The following GOLM1 variants were observed in gnomAD, a reference collection of about 807,000 sequenced individuals.
GOLM1 encodes the protein golgi membrane protein 1.
Under a neutral mutation model 50.5 loss-of-function variants are expected in GOLM1, and 31 were observed. The ratio of observed to expected loss-of-function variants is 0.61; its 90% CI spans 0.46 to 0.83. The LOEUF (loss-of-function observed/expected upper bound fraction) is 0.83, where lower values mean the gene tolerates loss of function less well. GOLM1 is among the 40% of genes least tolerant of loss of function. GOLM1 has a pLI of 0.00. For synonymous variants in GOLM1, 178 were observed against 192.8 expected (o/e 0.92, Z 0.64); for missense variants, 491 against 501.3 (o/e 0.98, Z 0.20).
intron 1 of GOLM1, among the ~76,000 whole-genome samples, chr9:86,091,218 A>G (rs1374136633): frequency 6.6e-6 from 1 of 151,678 alleles, no homozygotes; most frequent in Non-Finnish European, 1.5e-5. Context: ...CTTACCAGCC[A>G]CTCTGTTGTT....
chr9:86,054,116 A>G (rs1038402219), intron 3 of GOLM1, among the ~76,000 whole-genome samples: 1 of 152,122 alleles, frequency 6.6e-6, no homozygotes, highest in Non-Finnish European at 1.5e-5. Context: ...GTAGAGGAGG[A>G]CAGAAGCCAC....
intron 3 of GOLM1, among the ~76,000 whole-genome samples, chr9:86,072,283 G>A (rs1834471786): frequency 6.6e-6 from 1 of 152,106 alleles, no homozygotes; most frequent in Non-Finnish European, 1.5e-5. Flanking sequence ...ATAATATCTG[G>A]GTGAGGGGCA....
At chr9:86,055,136 A>T (rs1269653348) in intron 3 of GOLM1, among the ~76,000 whole-genome samples, 1 of 152,348 alleles carries the variant, frequency 6.6e-6, no homozygotes, top group East Asian at 1.9e-4. Context: ...CCCACAAATG[A>T]AATCGCATCA....
At chr9:86,038,160 GAA>G (rs552680791) in intron 6 of GOLM1, among the ~76,000 whole-genome samples, 8 of 88,360 alleles carry the variant, frequency 9.1e-5, no homozygotes, top group African/African-American at 1.5e-4. Context: ...AACACCAAAA[GAA>G]AAAAAAAAAA....
chr9:86,078,663 C>G (rs1415917582), intron 2 of GOLM1, among the ~76,000 whole-genome samples: 1 of 152,166 alleles, frequency 6.6e-6, no homozygotes, highest in Admixed American at 6.5e-5. Context: ...CAAGTTCAAT[C>G]AAGAGGAGCA....
intron 3 of GOLM1, among the ~76,000 whole-genome samples, chr9:86,063,647 T>C (rs1012568754): frequency 6.6e-6 from 1 of 152,196 alleles, no homozygotes; most frequent in Non-Finnish European, 1.5e-5. Flanking sequence ...CAAACGCCTG[T>C]CTTGGGTTGG....
intron 3 of GOLM1, among the ~76,000 whole-genome samples, chr9:86,069,508 G>C (rs1413795516): frequency 6.6e-6 from 1 of 152,216 alleles, no homozygotes; most frequent in Non-Finnish European, 1.5e-5. Context: ...TCACTCATCT[G>C]AAGTATTTAC....
intron 6 of GOLM1, among the ~76,000 whole-genome samples, chr9:86,039,024 GA>G (rs1395035546): frequency 2.6e-5 from 4 of 151,556 alleles, no homozygotes; most frequent in Middle Eastern, 3.4e-3. Flanking sequence ...ACAGAATTGG[GA>G]AAAAAAACTT....
At chr9:86,047,592 T>C (rs1435819881) in intron 4 of GOLM1, among the ~76,000 whole-genome samples, 1 of 152,118 alleles carries the variant, frequency 6.6e-6, no homozygotes, top group Non-Finnish European at 1.5e-5. Context: ...GCAGCTGCCA[T>C]GTTGACTGCA....
intron 4 of GOLM1, among the ~76,000 whole-genome samples, chr9:86,047,783 C>T (rs1319706590): frequency 6.6e-6 from 1 of 152,138 alleles, no homozygotes. Flanking sequence ...ATCACAGTGA[C>T]ATGGACGAAT....
intron 4 of GOLM1, among the ~76,000 whole-genome samples, chr9:86,048,462 A>G (rs1833631228): frequency 6.6e-6 from 1 of 152,180 alleles, no homozygotes; most frequent in Non-Finnish European, 1.5e-5. Flanking sequence ...GTCTTCCACA[A>G]TGGTTGAACT....
chr9:86,083,813 T>A (rs548188842), intron 1 of GOLM1, among the ~76,000 whole-genome samples: 1 of 152,274 alleles, frequency 6.6e-6, no homozygotes, highest in East Asian at 1.9e-4. Context: ...TCCAAAACGG[T>A]CTCTAAAAAC....
chr9:86,078,826 A>G (rs895395858), intron 2 of GOLM1, among the ~76,000 whole-genome samples: 1 of 152,166 alleles, frequency 6.6e-6, no homozygotes, highest in Non-Finnish European at 1.5e-5. Context: ...TTCCAATACT[A>G]CTCTTCGATA....
intron 9 of GOLM1, among the ~76,000 whole-genome samples, 184 bp from the exon 10 acceptor site, chr9:86,028,077 G>T (rs924168824): frequency 5.9e-5 from 9 of 151,922 alleles, no homozygotes; most frequent in African/African-American, 1.9e-4. Flanking sequence ...TATGGGAGGG[G>T]GACAGGGAAG....
At chr9:86,033,218 C>T (rs968157886) in intron 9 of GOLM1, 64 bp downstream of exon 9, 7 of 887,594 alleles carry the variant, frequency 7.9e-6, no homozygotes, top group South Asian at 4.1e-5. Flanking sequence ...TGGATAATCA[C>T]GGTGAAGGAC....
At chr9:86,066,963 G>A (rs1168348975) in intron 3 of GOLM1, among the ~76,000 whole-genome samples, 1 of 152,032 alleles carries the variant, frequency 6.6e-6, no homozygotes, top group Non-Finnish European at 1.5e-5. Context: ...TATTTAGATG[G>A]AGTCTCGCTG....
At chr9:86,031,449 GTTTTTTTTT>G (rs774806772) in intron 9 of GOLM1, among the ~76,000 whole-genome samples, 11 of 79,498 alleles carry the variant, frequency 1.4e-4, no homozygotes, top group African/African-American at 2.3e-4. Context: ...TACCACTGAG[GTTTTTTTTT>G]TTTTTTTTTT....
chr9:86,093,984 G>A (rs962039901), intron 1 of GOLM1, among the ~76,000 whole-genome samples: 1 of 152,194 alleles, frequency 6.6e-6, no homozygotes, highest in African/African-American at 2.4e-5. Context: ...CGGCTCAGCA[G>A]GAAGTTCAGA....
intron 7 of GOLM1, 93 bp downstream of exon 7, chr9:86,036,255 G>T: frequency 7.5e-7 from 1 of 1,327,150 alleles, no homozygotes. Context: ...GCCGCTGCCG[G>T]GTTCACTGAC....
Sources: allele counts gnomAD v4.1 joint callset (sites outside exome capture counted in the v4.1 genomes callset), GRCh38; gene constraint gnomAD v4.1.1; transcripts MANE v1.5; gene names NCBI Gene and HGNC (gene_info 2026-07-23, HGNC 2026-07-21).